The following TRPC4AP variants were observed in gnomAD, a reference collection of about 807,000 sequenced individuals.
The protein encoded by TRPC4AP is transient receptor potential cation channel subfamily C member 4 associated protein, also known as short transient receptor potential channel 4-associated protein.
TRPC4AP carries 45 observed loss-of-function variants against 99.0 expected under a neutral mutation model. That is an observed-to-expected ratio of 0.45 (90% CI 0.36 to 0.58). The LOEUF (loss-of-function observed/expected upper bound fraction) is 0.58. Among genes scored for constraint, TRPC4AP ranks in the 20% least tolerant of loss-of-function variants. The pLI, the probability that TRPC4AP is intolerant of heterozygous loss-of-function variation, is 0.00. For synonymous variants in TRPC4AP, 408 were observed against 385.8 expected, an observed-to-expected ratio of 1.06 and a Z score of -0.67; for missense variants, 879 against 985.3, an observed-to-expected ratio of 0.89 and a Z score of 1.44.
chr20:35,084,117 T>C (rs1031010610), intron 1 of TRPC4AP, among the ~76,000 whole-genome samples: 6 of 151,896 alleles, frequency 4.0e-5, no homozygotes, highest in African/African-American at 1.5e-4. Context: ...CTGGCCAACA[T>C]AGTGAAACCC....
At chr20:35,020,105 C>G (rs2082851339) in intron 9 of TRPC4AP, among the ~76,000 whole-genome samples, 1 of 152,204 alleles carries the variant, frequency 6.6e-6, no homozygotes, top group Admixed American at 6.5e-5. Context: ...TCCAAACCAT[C>G]AGCAAATCCT....
At chr20:35,011,331 T>C (rs1432108649) in intron 11 of TRPC4AP, among the ~76,000 whole-genome samples, 1 of 152,120 alleles carries the variant, frequency 6.6e-6, no homozygotes, top group South Asian at 2.1e-4. Context: ...CTAGCCTACC[T>C]GGAATGTGCT....
At chr20:35,034,353 GT>G (rs746802244) in intron 8 of TRPC4AP, among the ~76,000 whole-genome samples, 1 of 151,970 alleles carries the variant, frequency 6.6e-6, no homozygotes, top group Non-Finnish European at 1.5e-5. Context: ...TAAAACCTCT[GT>G]ACATGAGCAA....
chr20:35,091,853 G>A (rs539404232), intron 1 of TRPC4AP, among the ~76,000 whole-genome samples: 2 of 152,252 alleles, frequency 1.3e-5, no homozygotes, highest in South Asian at 2.1e-4. Flanking sequence ...TAAAAGGTAG[G>A]TTACTAATTC....
chr20:35,063,287 C>T (rs917331658), intron 3 of TRPC4AP, among the ~76,000 whole-genome samples: 1 of 152,188 alleles, frequency 6.6e-6, no homozygotes, highest in African/African-American at 2.4e-5. Flanking sequence ...AACCTCCTTC[C>T]TTTATAAACT....
chr20:35,070,002 C>A (rs1388412929), intron 2 of TRPC4AP, among the ~76,000 whole-genome samples: 1 of 152,082 alleles, frequency 6.6e-6, no homozygotes, highest in Admixed American at 6.6e-5. Context: ...AAACATCATG[C>A]TGTGAGAACA....
At chr20:35,088,568 A>G (rs2084950982) in intron 1 of TRPC4AP, among the ~76,000 whole-genome samples, 1 of 152,236 alleles carries the variant, frequency 6.6e-6, no homozygotes, top group African/African-American at 2.4e-5. Flanking sequence ...AACTATTCCT[A>G]TATGCCACAC....
At chr20:35,017,753 T>C (rs1370586027) in intron 9 of TRPC4AP, among the ~76,000 whole-genome samples, 1 of 152,238 alleles carries the variant, frequency 6.6e-6, no homozygotes, top group African/African-American at 2.4e-5. Context: ...TCCATTTCCA[T>C]GGACCTCTTC....
At chr20:35,078,278 A>G in intron 1 of TRPC4AP, 104 bp from the exon 2 acceptor site, 1 of 1,231,044 alleles carries the variant, frequency 8.1e-7, no homozygotes, top group East Asian at 2.5e-5. Flanking sequence ...GGACAGTTAC[A>G]AATTTATCTC....
At chr20:35,038,181 C>T (rs1306799106) in intron 7 of TRPC4AP, among the ~76,000 whole-genome samples, 2 of 150,420 alleles carry the variant, frequency 1.3e-5, no homozygotes, top group Non-Finnish European at 2.9e-5. Flanking sequence ...GTACTAAATG[C>T]CGCTGAGTTG....
rs2082570041 is a variant in TRPC4AP, at chr20:35,008,868, C to T, written c.1512-121G>A. On this transcript the variant is annotated intron_variant, in intron 12 of 18. Transcript: ENST00000252015. ...GGGACATTTCCAAGTCTGCAGGATGCCTTCCTGCTCCAACTGGGTCCAGAG... is the reference window on the plus strand; with the variant it reads ...GGGACATTTCCAAGTCTGCAGGATGTCTTCCTGCTCCAACTGGGTCCAGAG... The T allele has an allele frequency of 9.4e-6, 8 of 849,366 alleles. 1 individual carries two copies. Among genetic ancestry groups the T allele is most frequent in the Middle Eastern group, 5.3e-4 (2 of 3,802 alleles). 52.6% of individuals were successfully genotyped at this position (849,366 alleles called of 1,614,324 possible).
intron 6 of TRPC4AP, among the ~76,000 whole-genome samples, chr20:35,044,979 T>C (rs933385123): frequency 4.6e-5 from 7 of 152,188 alleles, no homozygotes; most frequent in East Asian, 1.9e-4. Context: ...CTGTTTTCAA[T>C]TGTTCTTGTG....
intron 4 of TRPC4AP, among the ~76,000 whole-genome samples, 187 bp downstream of exon 4, chr20:35,057,327 T>C (rs1327334550): frequency 6.6e-6 from 1 of 152,164 alleles, no homozygotes; most frequent in South Asian, 2.1e-4. Context: ...AGATCTGAAT[T>C]TCTACGCAGT....
chr20:35,082,483 A>G (rs2084673240), intron 1 of TRPC4AP, among the ~76,000 whole-genome samples: 1 of 152,208 alleles, frequency 6.6e-6, no homozygotes, highest in South Asian at 2.1e-4. Flanking sequence ...TGGGTCAAAG[A>G]AGAAATCGAA....
At chr20:35,068,659 T>A (rs1038419198) in intron 3 of TRPC4AP, among the ~76,000 whole-genome samples, 1 of 151,904 alleles carries the variant, frequency 6.6e-6, no homozygotes, top group African/African-American at 2.4e-5. Context: ...GTAGCTGGGA[T>A]TACAAGTGCC....
In TRPC4AP at chr20:35,019,129, C is replaced by G. The variant is rs529910392; in HGVS notation, c.1218+2061G>C. 4.3e-4 allele frequency among the ~76,000 whole-genome samples: 65 copies of G among 152,308 alleles called. No individual in the cohort carries two copies. In the East Asian group the frequency reaches 6.2e-3, roughly 14 times the overall value. On this transcript the variant is annotated intron_variant, in intron 9 of 18. Coordinates refer to ENST00000252015, the MANE Select transcript of TRPC4AP (RefSeq NM_015638.3). ...CGAGGAGGCCTCTTTAAGGAGGAAGCCTTCTGTGAGGCCTGGCCAAGGAAA... is the reference window on the plus strand; with the variant it reads ...CGAGGAGGCCTCTTTAAGGAGGAAGGCTTCTGTGAGGCCTGGCCAAGGAAA...
At chr20:35,027,707 G>C (rs1456071632) in intron 8 of TRPC4AP, among the ~76,000 whole-genome samples, 1 of 152,066 alleles carries the variant, frequency 6.6e-6, no homozygotes, top group Non-Finnish European at 1.5e-5. Flanking sequence ...TTATACTTCA[G>C]GTTTTCTATT....
intron 1 of TRPC4AP, among the ~76,000 whole-genome samples, chr20:35,080,269 G>A (rs200642510): frequency 1.3e-5 from 2 of 151,866 alleles, no homozygotes; most frequent in South Asian, 2.1e-4. Flanking sequence ...GGGAGGCCAA[G>A]GTGGACAGAT....
chr20:35,040,345 G>A (rs773427916), intron 7 of TRPC4AP, among the ~76,000 whole-genome samples: 29 of 152,140 alleles, frequency 1.9e-4, no homozygotes, highest in South Asian at 2.1e-4. Flanking sequence ...CAATTGGTGG[G>A]GGAGCAGTGG....
Sources: allele counts gnomAD v4.1 joint callset (sites outside exome capture counted in the v4.1 genomes callset), GRCh38; gene constraint gnomAD v4.1.1; transcripts MANE v1.5; gene names NCBI Gene and HGNC (gene_info 2026-07-23, HGNC 2026-07-21).